PXDNL: variants seen among roughly 807,000 people sequenced by gnomAD.
PXDNL encodes probable oxidoreductase PXDNL.
A neutral mutation model predicts 150.8 loss-of-function variants in PXDNL; 145 were observed. The observed-to-expected ratio is 0.96, with a 90% CI of 0.84 to 1.10. The LOEUF is 1.10. PXDNL is among the 50% of genes least tolerant of loss of function. PXDNL has a pLI of 0.00. For missense variants in PXDNL, 2,087 were observed against 1,873.9 expected (o/e 1.11, Z -2.10); for synonymous variants, 757 against 725.7 (o/e 1.04, Z -0.69).
intron 10 of PXDNL, among the ~76,000 whole-genome samples, chr8:51,452,323 A>G (rs1809824717): frequency 6.6e-6 from 1 of 152,216 alleles, no homozygotes; most frequent in African/African-American, 2.4e-5. Context: ...CCCAGAAGTT[A>G]CCAAAGACCT....
At chr8:51,562,540 A>G (rs1217868778) in intron 3 of PXDNL, among the ~76,000 whole-genome samples, 1 of 152,006 alleles carries the variant, frequency 6.6e-6, no homozygotes, top group Non-Finnish European at 1.5e-5. Flanking sequence ...CTAATGTATT[A>G]AGTTTTTCAC....
chr8:51,414,350 C>A (rs1469853183), intron 14 of PXDNL, among the ~76,000 whole-genome samples: 1 of 151,190 alleles, frequency 6.6e-6, no homozygotes, highest in South Asian at 2.1e-4. Context: ...ATCTATATAG[C>A]CTAGATTTTA....
chr8:51,673,467 A>G (rs1371073669), intron 1 of PXDNL, among the ~76,000 whole-genome samples: 1 of 152,192 alleles, frequency 6.6e-6, no homozygotes, highest in Non-Finnish European at 1.5e-5. Flanking sequence ...AAATATACTT[A>G]TAGGCTTCCT....
In PXDNL at chr8:51,454,998, A is replaced by G. The variant is rs1226436726; in HGVS notation, c.983-1213T>C. On this transcript the variant is annotated intron_variant, in intron 9 of 22. Coordinates refer to ENST00000356297, the MANE Select transcript of PXDNL (RefSeq NM_144651.5). ...GTGGCGGGCGCCTGTAGTCCCAGCT[A>G]CTCGGGAGGCTGAGGCAGGAGAATG... 3.1e-5 allele frequency among the ~76,000 whole-genome samples: 3 copies of G among 96,220 alleles called. 1 individual carries two copies. Among genetic ancestry groups the G allele is most frequent in the Non-Finnish European group, 5.9e-5 (3 of 51,226 alleles). 63.1% of individuals were successfully genotyped at this position (96,220 alleles called of 152,430 possible).
chr8:51,788,978 T>C (rs1022731900), intron 1 of PXDNL, among the ~76,000 whole-genome samples: 1 of 152,154 alleles, frequency 6.6e-6, no homozygotes, highest in Non-Finnish European at 1.5e-5. Flanking sequence ...ATATTCCTGA[T>C]TTCTCCCTGG....
chr8:51,353,481 C>T (rs1806413586), intron 19 of PXDNL, among the ~76,000 whole-genome samples: 3 of 151,908 alleles, frequency 2.0e-5, no homozygotes, highest in African/African-American at 7.2e-5. Context: ...AGATATTACA[C>T]TTCTTGATAA....
intron 1 of PXDNL, among the ~76,000 whole-genome samples, chr8:51,732,404 C>T (rs1816951725): frequency 6.6e-6 from 1 of 152,210 alleles, no homozygotes; most frequent in Admixed American, 6.5e-5. Context: ...ATATCACTAT[C>T]AGCATTTTGG....
intron 12 of PXDNL, among the ~76,000 whole-genome samples, chr8:51,437,336 A>G (rs1054709514): frequency 2.0e-5 from 3 of 152,204 alleles, no homozygotes; most frequent in Admixed American, 2.0e-4. Context: ...AAATCATTCT[A>G]TGAAGCCAGT....
At chr8:51,456,319 A>G (rs965478525) in intron 9 of PXDNL, among the ~76,000 whole-genome samples, 2 of 151,930 alleles carry the variant, frequency 1.3e-5, no homozygotes, top group African/African-American at 4.8e-5. Context: ...TGTCTTCCCT[A>G]TGCTGTCTTT....
intron 1 of PXDNL, among the ~76,000 whole-genome samples, chr8:51,687,881 T>C (rs1465436500): frequency 6.6e-6 from 1 of 152,202 alleles, no homozygotes; most frequent in African/African-American, 2.4e-5. Flanking sequence ...AAATATAGCC[T>C]GAATAACTTC....
chr8:51,546,094 T>C (rs1357011073), intron 4 of PXDNL, among the ~76,000 whole-genome samples: 2 of 152,096 alleles, frequency 1.3e-5, no homozygotes, highest in African/African-American at 4.8e-5. Context: ...TATAGGAACA[T>C]ATGAGGAAAA....
rs1158823759 is a variant in PXDNL at position 51,408,263 on chromosome 8, C to T, written c.3361G>A (p.Glu1121Lys). Residue 1121 changes from glutamate to lysine, a missense_variant, in exon 17 of 23, where the codon GAG becomes AAG. By Grantham distance (56) the Glu-to-Lys change is moderately conservative. Transcript: ENST00000356297. Reference protein sequence around the residue: ...WRAPSYLLSPELTQRLFSAAY... With the variant: ...WRAPSYLLSPKLTQRLFSAAY... ...GCGGAGAAGAGCCTCTGGGTCAGCT[C>T]AGGACTGAGAAGGTAGGAGGGTGCC... 6.2e-7 allele frequency: 1 copy of T among 1,613,956 alleles called. No homozygotes were observed. The highest frequency in any genetic ancestry group is 1.3e-5 in the African/African-American group (1 of 75,052).
rs150447644 is a variant in PXDNL at position 51,688,404 on chromosome 8, C to G, written c.165-33644G>C. 5.9e-5 allele frequency among the ~76,000 whole-genome samples: 9 copies of G among 152,184 alleles called. No individual in the cohort carries two copies. In the East Asian group the frequency reaches 1.7e-3, roughly 29 times the overall value. On this transcript the variant is annotated intron_variant, in intron 1 of 22. Transcript: ENST00000356297. ...CTGTTGGCTGAGGAATTTACAAGAA[C>G]CACACACAGAACACACTGCAGAACA...
intron 5 of PXDNL, among the ~76,000 whole-genome samples, chr8:51,487,202 T>C (rs1810786304): frequency 1.3e-5 from 2 of 152,140 alleles, no homozygotes; most frequent in South Asian, 2.1e-4. Flanking sequence ...ACAGAGTTTA[T>C]ACAAAGACTT....
intron 21 of PXDNL, among the ~76,000 whole-genome samples, chr8:51,326,440 G>C (rs901981252): frequency 2.0e-5 from 3 of 152,210 alleles, no homozygotes; most frequent in African/African-American, 7.2e-5. Flanking sequence ...AGAGGTTGCA[G>C]TGAGCCGAGA....
intron 19 of PXDNL, among the ~76,000 whole-genome samples, chr8:51,354,642 C>G (rs1050737134): frequency 1.3e-5 from 2 of 152,010 alleles, no homozygotes; most frequent in African/African-American, 4.8e-5. Context: ...CCAAGAGGCA[C>G]TTATTTTATG....
intron 1 of PXDNL, among the ~76,000 whole-genome samples, chr8:51,784,093 C>T (rs1228643622): frequency 6.6e-6 from 1 of 152,212 alleles, no homozygotes; most frequent in Non-Finnish European, 1.5e-5. Flanking sequence ...GAAATCTCTG[C>T]TCAACATACT....
intron 2 of PXDNL, among the ~76,000 whole-genome samples, chr8:51,595,922 T>G (rs977292512): frequency 1.3e-5 from 2 of 152,178 alleles, no homozygotes; most frequent in African/African-American, 4.8e-5. Context: ...TTATTTTAGA[T>G]TCAGGGGGCA....
intron 1 of PXDNL, among the ~76,000 whole-genome samples, chr8:51,689,617 A>T (rs1815947345): frequency 6.6e-6 from 1 of 151,100 alleles, no homozygotes; most frequent in Non-Finnish European, 1.5e-5. Flanking sequence ...TTAATTTCCC[A>T]CCCCAGTGCG....
Sources: allele counts gnomAD v4.1 joint callset (sites outside exome capture counted in the v4.1 genomes callset), GRCh38; gene constraint gnomAD v4.1.1; transcripts MANE v1.5; gene names NCBI Gene and HGNC (gene_info 2026-07-23, HGNC 2026-07-21).